SYTL2: variants seen among roughly 807,000 people sequenced by gnomAD.
The protein encoded by SYTL2 is synaptotagmin like 2.
Under a neutral mutation model 198.7 loss-of-function variants are expected in SYTL2, and 165 were observed. That is an observed-to-expected ratio of 0.83 (90% confidence interval 0.73 to 0.94). The LOEUF is 0.94. Among genes scored for constraint, SYTL2 ranks in the 40% least tolerant of loss-of-function variants. The pLI, the probability that SYTL2 is intolerant of heterozygous loss-of-function variation, is 0.00. For missense variants in SYTL2, 2,835 were observed against 2,582.8 expected (o/e 1.10, Z -2.12); for synonymous variants, 966 against 917.7 (o/e 1.05, Z -0.95).
the SYTL2 span, among the ~76,000 whole-genome samples, chr11:85,833,098 A>AGAAAGAAAGAAGGAAG: frequency 3.1e-5 from 1 of 32,530 alleles, no homozygotes; most frequent in Non-Finnish European, 6.9e-5. Flanking sequence ...AAAGAAAGAA[A>AGAAAGAAAGAAGGAAG]GAAGGAAGGA....
chr11:85,809,179 G>T (rs1229611807), intron 1 of SYTL2, among the ~76,000 whole-genome samples: 2 of 152,172 alleles, frequency 1.3e-5, no homozygotes, highest in Non-Finnish European at 2.9e-5. Flanking sequence ...ACCTGAAAAA[G>T]GCCTCTTAGG....
chr11:85,843,136 G>A, the SYTL2 span, among the ~76,000 whole-genome samples: 2 of 152,148 alleles, frequency 1.3e-5, no homozygotes, highest in African/African-American at 4.8e-5. Context: ...CACTTTGGGA[G>A]GCCGAGGCGG....
intron 8 of SYTL2, among the ~76,000 whole-genome samples, chr11:85,722,247 C>T (rs960190881): frequency 2.2e-5 from 3 of 137,486 alleles, no homozygotes; most frequent in African/African-American, 5.5e-5. Context: ...GGCGTGATCT[C>T]GACTCACTGC....
Position 85,724,774 on chromosome 11 carries a change from T to C in SYTL2, c.4584A>G (p.Leu1528=). The C allele has an allele frequency of 6.2e-7, 1 of 1,613,044 alleles. No homozygotes were observed. The highest frequency in any genetic ancestry group is 8.5e-7 in the Non-Finnish European group (1 of 1,179,694). Residue 1528 remains leucine (L), a synonymous_variant, in exon 8 of 20, where the codon TTA becomes TTG. Transcript: ENST00000359152. ...SDTGNLSPSK[L]IGSTEEPRRA... ...GCCTGGGCTCCTCTGTACTACCTAT[T>C]AACTTTGATGGAGAAAGATTCCCTG...
intron 7 of SYTL2, 114 bp downstream of exon 7, chr11:85,733,825 T>C: frequency 1.3e-6 from 1 of 776,454 alleles, no homozygotes. Flanking sequence ...GGTCTCGATC[T>C]CCTGACCTCA....
chr11:85,705,374 T>C (rs1189994896), intron 15 of SYTL2: 1 of 171,414 alleles, frequency 5.8e-6, no homozygotes, highest in African/African-American at 2.4e-5. Context: ...ACAAATCAAA[T>C]GTAACCGAAT....
At position 85,726,446 on chromosome 11, in the gene SYTL2, G is replaced by A. The variant is rs1387291979; in HGVS notation, c.2912C>T (p.Pro971Leu). Residue 971 changes from proline (P) to leucine (L), a missense_variant, in exon 8 of 20, where the codon CCC becomes CTC. Physicochemically the swap from Pro to Leu is moderately conservative, Grantham distance 98. This residue lies in a region of SYTL2 where 2,645 missense variants were observed against 2,381.7 expected (regional missense o/e 1.11). Transcript: ENST00000359152. ...VMSLKERMDEPNAEQVYNPSQ... is the reference protein window; with the variant it reads ...VMSLKERMDELNAEQVYNPSQ... Reference sequence around the variant, plus strand: ...GGGATTATAGACCTGTTCTGCATTGGGTTCATCCATTCTTTCTTTTAGGGA... The same window carrying A: ...GGGATTATAGACCTGTTCTGCATTGAGTTCATCCATTCTTTCTTTTAGGGA... 3.1e-6 allele frequency: 5 copies of A among 1,613,224 alleles called. No individual in the cohort carries two copies. The highest frequency in any genetic ancestry group is 4.2e-6 in the Non-Finnish European group (5 of 1,179,908).
rs757834616 is a variant in SYTL2 at position 85,727,700 on chromosome 11, G to A, written c.1658C>T (p.Ser553Leu). 8.4e-5 allele frequency: 130 copies of A among 1,544,808 alleles called. No homozygotes were observed. Among genetic ancestry groups the A allele is most frequent in the Non-Finnish European group, 1.1e-4 (126 of 1,146,990 alleles). ...RGIESKEKTDSKSQVAVDLVT... is the reference protein window; with the variant it reads ...RGIESKEKTDLKSQVAVDLVT... ...CAAGTCAACAGCAACCTGTGATTTT[G>A]AGTCTGTTTTTTCTTTGGACTCTAT... The change falls in exon 8 of 20, where the codon TCA becomes TTA. Residue 553 changes from serine (S) to leucine (L), a missense_variant. Physicochemically the swap from Ser to Leu is moderately radical, Grantham distance 145. Coordinates refer to ENST00000359152, the MANE Select transcript of SYTL2 (RefSeq NM_206927.4).
intron 1 of SYTL2, among the ~76,000 whole-genome samples, chr11:85,793,625 A>G (rs1434968736): frequency 6.6e-6 from 1 of 152,228 alleles, no homozygotes; most frequent in Non-Finnish European, 1.5e-5. Context: ...GATATCTCAT[A>G]ACCAATATTT....
intron 1 of SYTL2, among the ~76,000 whole-genome samples, chr11:85,783,025 C>T (rs2092585448): frequency 6.6e-6 from 1 of 152,216 alleles, no homozygotes; most frequent in Non-Finnish European, 1.5e-5. Flanking sequence ...GCCGCTTCCA[C>T]ATTTTTGGAT....
At chr11:85,788,762 TA>T (rs2153617127) in intron 1 of SYTL2, among the ~76,000 whole-genome samples, 1 of 150,588 alleles carries the variant, frequency 6.6e-6, no homozygotes, top group Non-Finnish European at 1.5e-5. Flanking sequence ...CAAGTAAAAT[TA>T]TTCTATAATT....
chr11:85,832,230 T>A, the SYTL2 span, among the ~76,000 whole-genome samples: 2 of 152,232 alleles, frequency 1.3e-5, no homozygotes, highest in Non-Finnish European at 2.9e-5. Context: ...TTTGGGTACA[T>A]CATTTGTTAC....
At chr11:85,804,936 G>A (rs1306863389) in intron 1 of SYTL2, among the ~76,000 whole-genome samples, 1 of 152,164 alleles carries the variant, frequency 6.6e-6, no homozygotes, top group Non-Finnish European at 1.5e-5. Flanking sequence ...ATGAAGTCGT[G>A]AGTCCTTGGC....
upstream of SYTL2, chr11:85,811,273 C>T (rs2093029781): frequency 6.6e-6 from 1 of 151,516 alleles, no homozygotes; most frequent in African/African-American, 2.4e-5. Flanking sequence ...GCCCCGGCCT[C>T]CTCGCCCGGC....
intron 6 of SYTL2, 79 bp downstream of exon 6, chr11:85,736,422 G>T: frequency 2.8e-6 from 2 of 726,974 alleles, no homozygotes; most frequent in Non-Finnish European, 4.5e-6. Flanking sequence ...AGTTATTTGA[G>T]CAAAAGGAAC....
chr11:85,758,700 G>A (rs1349608096), intron 1 of SYTL2, among the ~76,000 whole-genome samples: 1 of 152,182 alleles, frequency 6.6e-6, no homozygotes, highest in Non-Finnish European at 1.5e-5. Flanking sequence ...ACCTACCTGT[G>A]TGTGTATATA....
At chr11:85,739,376 C>T (rs957586836) in intron 4 of SYTL2, among the ~76,000 whole-genome samples, 1 of 148,704 alleles carries the variant, frequency 6.7e-6, no homozygotes, top group African/African-American at 2.5e-5. Context: ...AGAAACAAAA[C>T]AGTCAGAACA....
chr11:85,764,769 A>C (rs2153566420), intron 1 of SYTL2, among the ~76,000 whole-genome samples: 1 of 152,358 alleles, frequency 6.6e-6, no homozygotes, highest in East Asian at 1.9e-4. Flanking sequence ...GAGGATATGC[A>C]TGAGATAGAG....
the SYTL2 span, among the ~76,000 whole-genome samples, chr11:85,851,759 C>G: frequency 6.6e-6 from 1 of 152,198 alleles, no homozygotes; most frequent in Non-Finnish European, 1.5e-5. Flanking sequence ...ATGTGGGAAT[C>G]AATTCAAAGT....
Sources: allele counts gnomAD v4.1 joint callset (sites outside exome capture counted in the v4.1 genomes callset), GRCh38; gene constraint gnomAD v4.1.1; regional missense constraint gnomAD v4.1.1; transcripts MANE v1.5; gene names NCBI Gene and HGNC (gene_info 2026-07-23, HGNC 2026-07-21).